The following NCKAP5 variants were observed in gnomAD, a reference collection of about 807,000 sequenced individuals.
NCKAP5 encodes NCK associated protein 5.
In NCKAP5, 92 loss-of-function variants were observed where a neutral mutation model predicts 167.0. The ratio of observed to expected loss-of-function variants is 0.55; its 90% CI spans 0.47 to 0.66. The LOEUF (loss-of-function observed/expected upper bound fraction) is 0.66, where lower values mean the gene tolerates loss of function less well. Among genes scored for constraint, NCKAP5 ranks in the 30% least tolerant of loss-of-function variants. The probability of loss-of-function intolerance (pLI) is 0.00; values close to 1 mark genes in which losing one functional copy is unlikely to be tolerated. For synonymous variants in NCKAP5, 891 were observed against 877.4 expected, an observed-to-expected ratio of 1.02 and a Z score of -0.27; for missense variants, 2,378 against 2,315.0, an observed-to-expected ratio of 1.03 and a Z score of -0.56.
At chr2:133,634,191 G>A in the NCKAP5 span, among the ~76,000 whole-genome samples, 160 of 152,226 alleles carry the variant, frequency 1.1e-3, no homozygotes, top group Middle Eastern at 0.01. Context: ...TTTACAGCTT[G>A]CCAGTATGAA....
chr2:133,656,287 A>C, the NCKAP5 span, among the ~76,000 whole-genome samples: 1 of 152,022 alleles, frequency 6.6e-6, no homozygotes, highest in African/African-American at 2.4e-5. Context: ...AAAAAAAAAA[A>C]CCATCTTTTG....
At chr2:133,287,156 G>T (rs111322797) in intron 4 of NCKAP5, among the ~76,000 whole-genome samples, 2 of 152,084 alleles carry the variant, frequency 1.3e-5, no homozygotes, top group African/African-American at 4.8e-5. Flanking sequence ...ACAATTATTA[G>T]ATCTATCCAT....
chr2:133,540,559 AAGG>A (rs1240088040), intron 2 of NCKAP5, among the ~76,000 whole-genome samples: 2 of 152,216 alleles, frequency 1.3e-5, no homozygotes. Flanking sequence ...AATGAGAGAG[AAGG>A]AGTAGAATAT....
At chr2:133,171,309 A>AC (rs1272446061) in intron 5 of NCKAP5, among the ~76,000 whole-genome samples, 2 of 152,180 alleles carry the variant, frequency 1.3e-5, no homozygotes, top group Non-Finnish European at 2.9e-5. Flanking sequence ...CAGAAATGTG[A>AC]CCCCCAACTG....
intron 19 of NCKAP5, among the ~76,000 whole-genome samples, chr2:132,716,497 C>T (rs957885357): frequency 2.0e-5 from 3 of 152,282 alleles, no homozygotes; most frequent in African/African-American, 4.8e-5. Context: ...CCACTTCAAC[C>T]AAGGATTTGT....
chr2:133,177,716 G>T (rs1158413041), intron 5 of NCKAP5, among the ~76,000 whole-genome samples: 1 of 152,108 alleles, frequency 6.6e-6, no homozygotes, highest in Non-Finnish European at 1.5e-5. Context: ...CATGGGAGTG[G>T]TATCAGGGAA....
chr2:132,830,976 T>C (rs1687483211), intron 11 of NCKAP5, among the ~76,000 whole-genome samples: 1 of 152,160 alleles, frequency 6.6e-6, no homozygotes, highest in African/African-American at 2.4e-5. Flanking sequence ...ATGTGGATCC[T>C]TCCAGAACAC....
chr2:133,409,484 G>A (rs143931105), intron 3 of NCKAP5, among the ~76,000 whole-genome samples: 21 of 152,302 alleles, frequency 1.4e-4, no homozygotes, highest in African/African-American at 3.4e-4. Flanking sequence ...AGTAAGCCAC[G>A]GGTCTTGCTG....
intron 19 of NCKAP5, among the ~76,000 whole-genome samples, chr2:132,725,136 A>G (rs975863150): frequency 2.0e-5 from 3 of 152,210 alleles, no homozygotes; most frequent in African/African-American, 7.2e-5. Flanking sequence ...TCTAGAGATA[A>G]TGACTTTTCT....
chr2:132,887,259 G>A (rs1008491658), intron 8 of NCKAP5, among the ~76,000 whole-genome samples: 6 of 151,732 alleles, frequency 4.0e-5, no homozygotes, highest in Admixed American at 1.3e-4. Flanking sequence ...GCCAAATAGC[G>A]ACTTTTATTT....
the NCKAP5 span, among the ~76,000 whole-genome samples, chr2:133,671,629 A>G: frequency 0.016 from 2,372 of 152,246 alleles, 60 homozygotes; most frequent in African/African-American, 0.054. Context: ...AAAGGCTGTC[A>G]TCAGAGGCAG....
chr2:133,409,233 G>A (rs1364826260), intron 3 of NCKAP5, among the ~76,000 whole-genome samples: 1 of 152,160 alleles, frequency 6.6e-6, no homozygotes, highest in Non-Finnish European at 1.5e-5. Flanking sequence ...ATAAATATGT[G>A]TTAATGCAGG....
At chr2:133,160,988 G>T (rs1574229062) in intron 5 of NCKAP5, among the ~76,000 whole-genome samples, 1 of 152,108 alleles carries the variant, frequency 6.6e-6, no homozygotes, top group African/African-American at 2.4e-5. Flanking sequence ...TAGGAATGGG[G>T]CCACACAGCA....
intron 5 of NCKAP5, among the ~76,000 whole-genome samples, chr2:133,190,721 G>A (rs1248477060): frequency 6.6e-6 from 1 of 152,078 alleles, no homozygotes; most frequent in Admixed American, 6.6e-5. Flanking sequence ...TAGCCATATG[G>A]AGAAAGCTGA....
rs189909550 is a variant in NCKAP5, at chr2:132,810,232, C to T, written c.808-13503G>A. Among the ~76,000 whole-genome samples, 215 of 152,264 alleles carry T rather than the reference C, an allele frequency of 1.4e-3. 1 individual carries two copies. Among genetic ancestry groups the T allele is most frequent in the African/African-American group, 4.9e-3 (204 of 41,544 alleles). ...TTACCTTCATCTTAAGAATGGATAG[C>T]CTGATGACAATGTGCCTAGGCAAAG... On this transcript the variant is annotated intron_variant, in intron 11 of 19. Transcript: ENST00000409261.
intron 3 of NCKAP5, among the ~76,000 whole-genome samples, chr2:133,430,676 GT>G (rs775369079): frequency 3.9e-4 from 60 of 152,190 alleles, no homozygotes; most frequent in Non-Finnish European, 7.9e-4. Context: ...AGATGAGTTA[GT>G]CATGAGTGTA....
chr2:133,521,624 G>C (rs1431030113), intron 2 of NCKAP5, among the ~76,000 whole-genome samples: 1 of 151,984 alleles, frequency 6.6e-6, no homozygotes, highest in African/African-American at 2.4e-5. Flanking sequence ...TCTTCTCACT[G>C]TGTCCTCACA....
intron 8 of NCKAP5, among the ~76,000 whole-genome samples, chr2:132,953,500 T>C (rs192003421): frequency 9.0e-4 from 137 of 152,252 alleles, no homozygotes; most frequent in Non-Finnish European, 1.6e-3. Flanking sequence ...TTAATTATTA[T>C]ATTTTTGTCT....
At chr2:133,154,033 G>A (rs1326456079) in intron 5 of NCKAP5, among the ~76,000 whole-genome samples, 2 of 151,700 alleles carry the variant, frequency 1.3e-5, no homozygotes, top group African/African-American at 2.4e-5. Context: ...GTAGAGACGG[G>A]GTTTTGCCAT....
Sources: allele counts gnomAD v4.1 joint callset (sites outside exome capture counted in the v4.1 genomes callset), GRCh38; gene constraint gnomAD v4.1.1; transcripts MANE v1.5; gene names NCBI Gene and HGNC (gene_info 2026-07-23, HGNC 2026-07-21).